Variants in RFC3 observed in about 807,000 individuals in gnomAD.
The protein encoded by RFC3 is A1 38 kDa subunit.
RFC3 carries 41 observed loss-of-function variants against 45.1 expected under a neutral mutation model. The observed-to-expected ratio is 0.91, with a 90% CI of 0.71 to 1.18. The LOEUF (loss-of-function observed/expected upper bound fraction) is 1.18, where lower values mean the gene tolerates loss of function less well. Among genes scored for constraint, RFC3 ranks in the 50% most tolerant of loss-of-function variants. The probability of loss-of-function intolerance (pLI) is 0.00; values close to 1 mark genes in which losing one functional copy is unlikely to be tolerated. For synonymous variants in RFC3, 149 were observed against 144.0 expected (o/e 1.03, Z -0.25); for missense variants, 423 against 428.1 (o/e 0.99, Z 0.10).
rs1324300784 is a variant in RFC3 at position 33,846,719 on chromosome 13, G to T, written c.879+11502G>T. ...TCTTGTGGCGTAGACTGCTATTCAA[G>T]TTTATTTAGGACCCCAGAGTGCTTT... On this transcript the variant is annotated intron_variant, in intron 8 of 8. Transcript: ENST00000434425. 1.3e-4 allele frequency: 16 copies of T among 119,768 alleles called. No homozygotes were observed. In the Admixed American group the frequency reaches 1.4e-3, roughly 10 times the overall value. 7.4% of individuals were successfully genotyped at this position (119,768 alleles called of 1,614,324 possible). A position where few individuals can be genotyped will look rare whatever the true frequency, so the allele number is the denominator to read the frequency against.
chr13:33,873,217 C>T (rs976144167), intron 8 of RFC3, among the ~76,000 whole-genome samples: 1 of 152,276 alleles, frequency 6.6e-6, no homozygotes. Context: ...AGCCCAGGGA[C>T]AGTCATTGAG....
At chr13:33,976,879 G>GA in the RFC3 span, among the ~76,000 whole-genome samples, 1 of 152,094 alleles carries the variant, frequency 6.6e-6, no homozygotes, top group South Asian at 2.1e-4. Flanking sequence ...GAAAAAGGGA[G>GA]AAAAAACTTG....
downstream of RFC3, among the ~76,000 whole-genome samples, chr13:33,842,099 T>C (rs1398221778): frequency 6.6e-6 from 1 of 152,118 alleles, no homozygotes; most frequent in Non-Finnish European, 1.5e-5. Flanking sequence ...GGGCAACATA[T>C]TGAGACCCTG....
At chr13:33,950,656 A>T (rs74046992) in intron 8 of RFC3, among the ~76,000 whole-genome samples, 4,049 of 152,270 alleles carry the variant, frequency 0.027, 183 homozygotes, top group African/African-American at 0.092. Flanking sequence ...GAGCTGAGAG[A>T]AGAAGAGATA....
At chr13:33,942,027 T>A (rs7320274) in intron 8 of RFC3, among the ~76,000 whole-genome samples, 65,991 of 151,974 alleles carry the variant, frequency 0.43, 15,514 homozygotes, top group East Asian at 0.78. Context: ...TGTTGAATTG[T>A]CAATTTTAGA....
chr13:33,964,828 G>T (rs145911892), intron 8 of RFC3, among the ~76,000 whole-genome samples: 2 of 152,248 alleles, frequency 1.3e-5, no homozygotes, highest in East Asian at 3.9e-4. Context: ...TAAGTTAAAG[G>T]TCTTCAGATA....
At chr13:33,919,527 T>C (rs2082754428) in intron 8 of RFC3, among the ~76,000 whole-genome samples, 1 of 152,158 alleles carries the variant, frequency 6.6e-6, no homozygotes. Context: ...AGAATCAATA[T>C]GCTTGAGATG....
chr13:33,922,756 C>T (rs981575531), intron 8 of RFC3, among the ~76,000 whole-genome samples: 5 of 152,124 alleles, frequency 3.3e-5, no homozygotes, highest in South Asian at 2.1e-4. Flanking sequence ...GGATTAGGCA[C>T]GAGGGCTCTA....
chr13:33,941,170 A>T (rs1050867792), intron 8 of RFC3, among the ~76,000 whole-genome samples: 2 of 151,948 alleles, frequency 1.3e-5, no homozygotes, highest in Admixed American at 1.3e-4. Flanking sequence ...AGGGGTAGTA[A>T]CCTGGGAATC....
intron 8 of RFC3, among the ~76,000 whole-genome samples, chr13:33,860,266 C>T (rs1820506214): frequency 6.6e-6 from 1 of 150,600 alleles, no homozygotes; most frequent in African/African-American, 2.4e-5. Context: ...GGAAAAAAGC[C>T]AGGAGAGAAA....
intron 8 of RFC3, among the ~76,000 whole-genome samples, chr13:33,932,163 C>A (rs2082856708): frequency 6.6e-6 from 1 of 152,056 alleles, no homozygotes. Context: ...ATAGTCTGTT[C>A]CATTGTTCAT....
At chr13:33,940,887 T>C (rs1038156143) in intron 8 of RFC3, among the ~76,000 whole-genome samples, 2 of 152,256 alleles carry the variant, frequency 1.3e-5, no homozygotes, top group Admixed American at 1.3e-4. Context: ...TATTGTTTTG[T>C]ATAGCCAACT....
chr13:33,902,131 G>A (rs945379357), intron 8 of RFC3, among the ~76,000 whole-genome samples: 1 of 152,072 alleles, frequency 6.6e-6, no homozygotes, highest in African/African-American at 2.4e-5. Flanking sequence ...AGGAGACAGG[G>A]TGACGTGGGT....
At chr13:33,852,068 A>G (rs77590358) in intron 8 of RFC3, among the ~76,000 whole-genome samples, 165 of 152,336 alleles carry the variant, frequency 1.1e-3, no homozygotes, top group Non-Finnish European at 2.1e-3. Flanking sequence ...GTATTGCACT[A>G]TCTGAATTGC....
chr13:33,872,067 C>G (rs970166802), intron 8 of RFC3, among the ~76,000 whole-genome samples: 1 of 151,844 alleles, frequency 6.6e-6, no homozygotes, highest in Non-Finnish European at 1.5e-5. Flanking sequence ...TTTCTTTTAT[C>G]TTTGTGGCAA....
intron 8 of RFC3, among the ~76,000 whole-genome samples, chr13:33,908,020 C>T (rs770462756): frequency 1.3e-5 from 2 of 151,112 alleles, no homozygotes; most frequent in Non-Finnish European, 3.0e-5. Context: ...TCAATGTGTT[C>T]GTAATAAAGA....
chr13:33,834,007 T>A (rs1192413102), intron 7 of RFC3, among the ~76,000 whole-genome samples: 1 of 152,134 alleles, frequency 6.6e-6, no homozygotes, highest in Non-Finnish European at 1.5e-5. Flanking sequence ...CTGTGTTAAA[T>A]CATGCTTTGC....
intron 8 of RFC3, among the ~76,000 whole-genome samples, chr13:33,857,094 A>G (rs1173859305): frequency 3.3e-5 from 5 of 152,198 alleles, no homozygotes; most frequent in Non-Finnish European, 7.4e-5. Context: ...CATGTCTTTG[A>G]ACTTAAACTT....
At chr13:33,887,701 C>T (rs1039196663) in intron 8 of RFC3, among the ~76,000 whole-genome samples, 3 of 152,080 alleles carry the variant, frequency 2.0e-5, no homozygotes, top group African/African-American at 4.8e-5. Context: ...GAAGTCCTTG[C>T]CCATGCCTAT....
Sources: gnomAD v4.1 joint callset for allele counts (sites outside exome capture counted in the v4.1 genomes callset) on GRCh38, gnomAD v4.1.1 for gene constraint, MANE v1.5 for transcripts, NCBI Gene and HGNC (gene_info 2026-07-23, HGNC 2026-07-21) for gene names.